SLC39A8: variants seen among roughly 807,000 people sequenced by gnomAD.
SLC39A8 encodes solute carrier family 39 member 8.
In SLC39A8, 15 loss-of-function variants were observed where a neutral mutation model predicts 40.4. The ratio of observed to expected loss-of-function variants is 0.37; its 90% confidence interval spans 0.25 to 0.57. SLC39A8 has a LOEUF of 0.57. SLC39A8 is among the 20% of genes least tolerant of loss of function. The pLI is 0.75. For synonymous variants in SLC39A8, 223 were observed against 221.6 expected (o/e 1.01, Z -0.06); for missense variants, 472 against 558.8 (o/e 0.84, Z 1.57).
intron 6 of SLC39A8, among the ~76,000 whole-genome samples, chr4:102,275,461 C>A (rs569041435): frequency 6.6e-6 from 1 of 152,238 alleles, no homozygotes; most frequent in African/African-American, 2.4e-5. Context: ...GCACCCAATA[C>A]AGGAGCACCC....
downstream of SLC39A8, among the ~76,000 whole-genome samples, chr4:102,258,037 G>T (rs1349158205): frequency 1.3e-5 from 2 of 152,110 alleles, no homozygotes; most frequent in African/African-American, 4.8e-5. Context: ...CAACTTCTCA[G>T]CTGCAGCCTG....
intron 2 of SLC39A8, among the ~76,000 whole-genome samples, chr4:102,320,223 G>T (rs1389901987): frequency 8.0e-6 from 1 of 124,270 alleles, no homozygotes; most frequent in African/African-American, 3.3e-5. Flanking sequence ...ATGTATATAT[G>T]TATGAGTATA....
intron 2 of SLC39A8, among the ~76,000 whole-genome samples, chr4:102,320,179 ATATATATATATGTATATATATATG>A (rs1206664127): frequency 4.0e-5 from 4 of 99,802 alleles, no homozygotes; most frequent in East Asian, 2.7e-4. Context: ...ATATATATAT[ATATATATATATGTATATATATATG>A]TATATATATA....
chr4:102,287,016 C>G (rs552381604), intron 6 of SLC39A8, among the ~76,000 whole-genome samples: 19 of 152,246 alleles, frequency 1.2e-4, no homozygotes, highest in Non-Finnish European at 2.2e-4. Flanking sequence ...GAGGGAGTCA[C>G]TGTACTTAAC....
intron 7 of SLC39A8, 60 bp from the exon 8 acceptor site, chr4:102,267,734 C>A (rs1732167110): frequency 1.3e-6 from 2 of 1,525,450 alleles, no homozygotes; most frequent in African/African-American, 1.4e-5. Context: ...TGGATGATAT[C>A]AAAGATAATC....
rs776885580 is a variant in SLC39A8, at chr4:102,267,711, T to G, written c.1049-37A>C. On this transcript the variant is annotated intron_variant, in intron 7 of 8. Transcript: ENST00000356736. ...AGAAGAAAATATCAAGTGAATAGTT[T>G]TTTTTTTATTTCTGGATGATATCAA... The G allele has an allele frequency of 1.9e-6, 3 of 1,555,456 alleles. No individual in the cohort carries two copies. In the South Asian group the frequency reaches 3.7e-5, roughly 19 times the overall value.
chr4:102,299,914 C>T (rs973073081), intron 6 of SLC39A8, among the ~76,000 whole-genome samples: 1 of 152,012 alleles, frequency 6.6e-6, no homozygotes, highest in Non-Finnish European at 1.5e-5. Flanking sequence ...TGTGTCTGGG[C>T]TGGGGAGCCC....
chr4:102,342,929 T>A (rs892972798), intron 2 of SLC39A8, among the ~76,000 whole-genome samples: 4 of 152,166 alleles, frequency 2.6e-5, no homozygotes. Flanking sequence ...TCCTCTAAAC[T>A]TCTTTCCAAG....
At chr4:102,323,047 T>C (rs1459293541) in intron 2 of SLC39A8, among the ~76,000 whole-genome samples, 1 of 152,178 alleles carries the variant, frequency 6.6e-6, no homozygotes, top group Non-Finnish European at 1.5e-5. Flanking sequence ...ATTTGCCATG[T>C]ATGCAGCTGT....
At chr4:102,316,159 AT>A (rs1399656734) in intron 2 of SLC39A8, among the ~76,000 whole-genome samples, 1 of 152,072 alleles carries the variant, frequency 6.6e-6, no homozygotes, top group African/African-American at 2.4e-5. Context: ...TTTTAAAACA[AT>A]TTTTTATTGT....
intron 6 of SLC39A8, among the ~76,000 whole-genome samples, chr4:102,281,828 G>C (rs1732892501): frequency 6.6e-6 from 1 of 152,176 alleles, no homozygotes. Flanking sequence ...TCTGAAAGCT[G>C]TCACTGTGCC....
chr4:102,307,934 A>G (rs1734262545), intron 3 of SLC39A8, among the ~76,000 whole-genome samples: 1 of 150,378 alleles, frequency 6.6e-6, no homozygotes, highest in African/African-American at 2.4e-5. Context: ...CAAGCCACCT[A>G]GTTTCATCTA....
intron 2 of SLC39A8, among the ~76,000 whole-genome samples, chr4:102,327,313 C>A (rs151133179): frequency 2.0e-5 from 3 of 152,238 alleles, no homozygotes; most frequent in South Asian, 2.1e-4. Context: ...CACTTAAGAA[C>A]CTCACTTGCC....
intron 6 of SLC39A8, among the ~76,000 whole-genome samples, chr4:102,285,650 T>G (rs933299439): frequency 1.4e-5 from 2 of 141,148 alleles, no homozygotes; most frequent in Non-Finnish European, 3.2e-5. Context: ...TGTGTGTGCA[T>G]GTGTGTATGT....
intron 2 of SLC39A8, among the ~76,000 whole-genome samples, chr4:102,339,078 G>A (rs1735797264): frequency 6.6e-6 from 1 of 152,162 alleles, no homozygotes; most frequent in Non-Finnish European, 1.5e-5. Context: ...TGACATCACA[G>A]TCAAATGAAT....
At chr4:102,315,960 A>T (rs1734637789) in intron 2 of SLC39A8, 130 bp from the exon 3 acceptor site, 1 of 681,564 alleles carries the variant, frequency 1.5e-6, no homozygotes, top group Non-Finnish European at 2.1e-6. Context: ...CCACCACAGA[A>T]ATTGAAAGGC....
At chr4:102,318,090 G>C (rs1578609571) in intron 2 of SLC39A8, among the ~76,000 whole-genome samples, 2 of 152,186 alleles carry the variant, frequency 1.3e-5, no homozygotes, top group East Asian at 3.9e-4. Flanking sequence ...TGGCAGTCAC[G>C]AGCTTGAATG....
intron 6 of SLC39A8, among the ~76,000 whole-genome samples, chr4:102,281,813 T>A (rs1455090195): frequency 6.6e-6 from 1 of 152,172 alleles, no homozygotes; most frequent in East Asian, 1.9e-4. Flanking sequence ...CAGGACCACA[T>A]TCCCTCTGAA....
At chr4:102,272,485 C>T (rs1732411487) in intron 6 of SLC39A8, among the ~76,000 whole-genome samples, 1 of 151,916 alleles carries the variant, frequency 6.6e-6, no homozygotes, top group Non-Finnish European at 1.5e-5. Flanking sequence ...GTGTCATGAG[C>T]TTATGTTCCC....
Sources: allele counts gnomAD v4.1 joint callset (sites outside exome capture counted in the v4.1 genomes callset), GRCh38; gene constraint gnomAD v4.1.1; transcripts MANE v1.5; gene names NCBI Gene and HGNC (gene_info 2026-07-23, HGNC 2026-07-21).